PARP9: variants seen among roughly 807,000 people sequenced by gnomAD.
PARP9 encodes poly(ADP-ribose) polymerase family member 9, also known as protein mono-ADP-ribosyltransferase PARP9.
PARP9 carries 48 observed loss-of-function variants against 68.8 expected under a neutral mutation model. The ratio of observed to expected loss-of-function variants is 0.70; its 90% CI spans 0.55 to 0.89. PARP9 has a LOEUF of 0.89. PARP9 is among the 40% of genes least tolerant of loss of function. The probability of loss-of-function intolerance (pLI) is 0.00; values close to 1 mark genes in which losing one functional copy is unlikely to be tolerated. For synonymous variants in PARP9, 309 were observed against 333.8 expected, an observed-to-expected ratio of 0.93 and a Z score of 0.81; for missense variants, 806 against 969.3, an observed-to-expected ratio of 0.83 and a Z score of 2.24.
intron 10 of PARP9, chr3:122,531,775 G>A (rs896052847): frequency 1.4e-5 from 2 of 142,480 alleles, no homozygotes; most frequent in African/African-American, 4.9e-5. Flanking sequence ...CAGAGCATGG[G>A]TTGTTTTTTT....
intron 3 of PARP9, 45 bp downstream of exon 3, chr3:122,558,389 G>A (rs1480697469): frequency 1.2e-6 from 2 of 1,614,144 alleles, no homozygotes; most frequent in Admixed American, 1.7e-5. Context: ...GGAAAGATCT[G>A]AGCAAAGACT....
At chr3:122,559,058 A>G (rs992832958) in intron 2 of PARP9, among the ~76,000 whole-genome samples, 5 of 152,142 alleles carry the variant, frequency 3.3e-5, no homozygotes, top group African/African-American at 1.2e-4. Context: ...TGAGGTTTAG[A>G]GATCAACACT....
chr3:122,555,654 CCT>C lies in PARP9; in HGVS notation c.515_516del (p.Gln172ArgfsTer20). On this transcript the variant is annotated frameshift_variant, in exon 4 of 11. Transcript: ENST00000682323. LOFTEE classifies it high-confidence loss of function. Reference protein sequence around the residue: ...VGPRWMEWDKQGCTGKLQRAI... With the variant: ...VGPRWMEWDKXGCTGKLQRAI... ...GCCCTCTGCAGCTTTCCAGTACATC[CCT>C]GTTTATCCCATTCCATCCACCGAGG... The C allele has an allele frequency of 6.2e-7, 1 of 1,614,046 alleles. No homozygotes were observed. The highest frequency in any genetic ancestry group is 8.5e-7 in the Non-Finnish European group (1 of 1,180,006).
intron 10 of PARP9, among the ~76,000 whole-genome samples, chr3:122,529,970 C>T (rs982930491): frequency 6.6e-6 from 1 of 151,560 alleles, no homozygotes; most frequent in Non-Finnish European, 1.5e-5. Flanking sequence ...GTGGGTGGAT[C>T]GCTTAAGCCC....
chr3:122,559,732 G>T, intron 1 of PARP9, 23 bp from the exon 2 acceptor site: 2 of 1,022,454 alleles, frequency 2.0e-6, no homozygotes, highest in Non-Finnish European at 2.8e-6. Context: ...TAGAAAAGAT[G>T]CAATAAACAT....
chr3:122,552,229 C>T (rs905743670), intron 5 of PARP9, among the ~76,000 whole-genome samples, 189 bp downstream of exon 5: 7 of 152,092 alleles, frequency 4.6e-5, no homozygotes, highest in Non-Finnish European at 1.0e-4. Flanking sequence ...CTAAATCAAA[C>T]TTCTTAAGAT....
intron 10 of PARP9, among the ~76,000 whole-genome samples, chr3:122,529,761 A>C (rs2077178753): frequency 6.6e-6 from 1 of 151,776 alleles, no homozygotes; most frequent in South Asian, 2.1e-4. Context: ...CCCAAAAAAA[A>C]AAAAAAAAAA....
intron 10 of PARP9, among the ~76,000 whole-genome samples, chr3:122,529,472 C>T (rs753158310): frequency 2.0e-5 from 3 of 151,354 alleles, no homozygotes; most frequent in Non-Finnish European, 3.0e-5. Flanking sequence ...TGACTTCGGC[C>T]GGGCGCGGTG....
chr3:122,535,564 G>A (rs1024593385), intron 10 of PARP9: 37 of 985,240 alleles, frequency 3.8e-5, no homozygotes, highest in Non-Finnish European at 4.2e-5. Context: ...AGTGACTGAG[G>A]AGTAGAGGGG....
intron 8 of PARP9, 79 bp downstream of exon 8, chr3:122,540,393 A>T: frequency 1.3e-6 from 2 of 1,514,808 alleles, no homozygotes; most frequent in Non-Finnish European, 8.9e-7. Flanking sequence ...TCTTACCCAC[A>T]TCCATACATA....
intron 10 of PARP9, chr3:122,532,994 A>G (rs1040055971): frequency 1.3e-5 from 2 of 152,216 alleles, no homozygotes; most frequent in African/African-American, 2.4e-5. Flanking sequence ...GGGAATACAG[A>G]TATTAAGCAA....
Position 122,555,387 on chromosome 3 carries a change from C to A in PARP9, c.784G>T (p.Gly262Trp), listed in dbSNP as rs749770721. The A allele has an allele frequency of 2.3e-5, 37 of 1,614,094 alleles. No homozygotes were observed. The highest frequency in any genetic ancestry group is 3.1e-5 in the Non-Finnish European group (37 of 1,180,004). The change falls in exon 4 of 11, where the codon GGG becomes TGG. Residue 262 changes from glycine to tryptophan, a missense_variant. This residue lies in a region of PARP9 where 680 missense variants were observed against 858.8 expected (regional missense o/e 0.79). Transcript: ENST00000682323. ...AFKAASEFIL[G>W]KSELGQETTP... Reference sequence around the variant, plus strand: ...GTTTCTTGTCCCAGCTCACTCTTCCCTAGGATGAATTCTGAAGCAGCTTTA... The same window carrying A: ...GTTTCTTGTCCCAGCTCACTCTTCCATAGGATGAATTCTGAAGCAGCTTTA...
At chr3:122,547,728 C>T (rs1576415922) in intron 6 of PARP9, among the ~76,000 whole-genome samples, 2 of 152,142 alleles carry the variant, frequency 1.3e-5, no homozygotes, top group South Asian at 2.1e-4. Context: ...TGGCGCATGC[C>T]TGTAGGTCTA....
intron 5 of PARP9, among the ~76,000 whole-genome samples, chr3:122,551,081 C>G (rs534509153): frequency 6.6e-6 from 1 of 152,268 alleles, no homozygotes; most frequent in South Asian, 2.1e-4. Flanking sequence ...ACCCATCCCC[C>G]CAGGTCAGAG....
chr3:122,556,127 A>G lies in PARP9; in HGVS notation c.50-6T>C. 1.0e-6 allele frequency: 1 copy of G among 971,850 alleles called. No individual in the cohort carries two copies. The highest frequency in any genetic ancestry group is 1.5e-6 in the Non-Finnish European group (1 of 657,022). The allele number at this position is 971,850 out of a possible 1,614,324, so 60.2% of individuals were successfully genotyped here. A position where few individuals can be genotyped will look rare whatever the true frequency, so the allele number is the denominator to read the frequency against. ...TTCTCCAAGAGCACCAGTCTCTGGA[A>G]AAGAAGAGAAGATTAAAAAAAAAAA... On this transcript the variant is annotated splice_polypyrimidine_tract_variant and splice_region_variant and intron_variant, in intron 3 of 10. Transcript: ENST00000682323.
intron 7 of PARP9, among the ~76,000 whole-genome samples, chr3:122,542,462 A>C (rs2078319932): frequency 6.6e-6 from 1 of 151,826 alleles, no homozygotes; most frequent in Non-Finnish European, 1.5e-5. Flanking sequence ...GCTGGAGTGC[A>C]GTGGTGCAAT....
chr3:122,539,563 C>CTTTCTTTCTTTCTTTCTTTCT (rs1553714675), intron 8 of PARP9, among the ~76,000 whole-genome samples: 1 of 80,544 alleles, frequency 1.2e-5, no homozygotes, highest in East Asian at 4.5e-4. Flanking sequence ...TTCTTTCTTT[C>CTTTCTTTCTTTCTTTCTTTCT]TTTCTTTTTT....
chr3:122,560,920 T>A (rs1055554008), intron 1 of PARP9, among the ~76,000 whole-genome samples: 1 of 152,240 alleles, frequency 6.6e-6, no homozygotes, highest in African/African-American at 2.4e-5. Flanking sequence ...CACCTGTTTC[T>A]GTCTTCAGGC....
intron 7 of PARP9, among the ~76,000 whole-genome samples, chr3:122,541,916 G>C (rs978378428): frequency 2.0e-5 from 3 of 152,204 alleles, no homozygotes; most frequent in African/African-American, 7.2e-5. Flanking sequence ...GATCTCAGTT[G>C]TGTGGTACAG....
Sources: gnomAD v4.1 joint callset for allele counts (sites outside exome capture counted in the v4.1 genomes callset) on GRCh38, gnomAD v4.1.1 for gene constraint, gnomAD v4.1.1 regional missense constraint, MANE v1.5 for transcripts, NCBI Gene and HGNC (gene_info 2026-07-23, HGNC 2026-07-21) for gene names.